SCML4: variants seen among roughly 807,000 people sequenced by gnomAD.
SCML4 encodes sex comb on midleg-like protein 4.
In SCML4, 34 loss-of-function variants were observed where a neutral mutation model predicts 41.1. The observed-to-expected ratio is 0.83, with a 90% CI of 0.63 to 1.10. SCML4 has a LOEUF of 1.10. SCML4 is among the 50% of genes least tolerant of loss of function. The probability of loss-of-function intolerance (pLI) is 0.00; values close to 1 mark genes in which losing one functional copy is unlikely to be tolerated. For synonymous variants in SCML4, 214 were observed against 220.9 expected (o/e 0.97, Z 0.28); for missense variants, 522 against 534.1 (o/e 0.98, Z 0.22).
At chr6:107,836,799 C>T in the SCML4 span, among the ~76,000 whole-genome samples, 1 of 152,156 alleles carries the variant, frequency 6.6e-6, no homozygotes, top group East Asian at 1.9e-4. Flanking sequence ...CCAGGGCTCA[C>T]TTAGAATCTG....
chr6:107,815,363 G>A (rs1041686909), intron 1 of SCML4, among the ~76,000 whole-genome samples: 6 of 152,260 alleles, frequency 3.9e-5, no homozygotes, highest in Admixed American at 6.5e-5. Context: ...AGAAATACCC[G>A]GCTTTTCTGA....
chr6:107,770,956 T>G (rs914474618), intron 2 of SCML4, among the ~76,000 whole-genome samples: 23 of 152,124 alleles, frequency 1.5e-4, no homozygotes, highest in Non-Finnish European at 3.1e-4. Flanking sequence ...CAGTAGTGAG[T>G]GGGTAAGACT....
the SCML4 span, among the ~76,000 whole-genome samples, chr6:107,837,230 T>TGGAACAATTA: frequency 6.6e-6 from 1 of 152,214 alleles, no homozygotes; most frequent in Admixed American, 6.5e-5. Context: ...GGCAATGGTA[T>TGGAACAATTA]GGAACCATTA....
chr6:107,735,442 C>A (rs72933109), intron 5 of SCML4, among the ~76,000 whole-genome samples: 6,864 of 151,854 alleles, frequency 0.045, 298 homozygotes, highest in East Asian at 0.13. Context: ...TTTTTGAGGG[C>A]GGGGGGATTC....
In SCML4 at chr6:107,749,783, C is replaced by T. The variant is rs1006698072; in HGVS notation, c.187G>A (p.Ala63Thr). The T allele has an allele frequency of 5.6e-6, 9 of 1,613,950 alleles. No individual in the cohort carries two copies. In the African/African-American group the frequency reaches 9.3e-5, roughly 17 times the overall value. The change falls in exon 3 of 8, where the codon GCC (alanine) becomes ACC (threonine). Residue 63 changes from alanine (A) to threonine (T), a missense_variant. Transcript: ENST00000369020. ...IKSRVLMTPL[A>T]LSPPRSTPEP... ...GGGGTACTCCGCGGAGGTGAGAGGG[C>T]TAAGGGAGTCATGAGAACCCGAGAC...
chr6:107,717,612 A>G (rs770013273), intron 6 of SCML4, among the ~76,000 whole-genome samples: 1 of 152,146 alleles, frequency 6.6e-6, no homozygotes, highest in Non-Finnish European at 1.5e-5. Flanking sequence ...CAGTGGCGCA[A>G]TCTCTGCTCA....
Position 107,746,695 on chromosome 6 carries a change from C to G in SCML4, c.481G>C (p.Val161Leu). 1 of 1,613,774 alleles carries G rather than the reference C, an allele frequency of 6.2e-7. No individual in the cohort carries two copies. The highest frequency in any genetic ancestry group is 8.5e-7 in the Non-Finnish European group (1 of 1,179,814). The change falls in exon 4 of 8, where the codon GTG (valine) becomes CTG (leucine). Residue 161 changes from valine (V) to leucine (L), a missense_variant. Val to Leu is a conservative substitution (Grantham distance 32). Transcript: ENST00000369020. The stretch of plus-strand genomic sequence containing the variant: ...AACCTGCCCCAGGCCTTACCTGACA[C>G]CATCTCACCACCATAGCCCTGCTTG... ...LVKQGYGGEM[V>L]SVSASFDGKQ...
chr6:107,720,835 C>T lies in SCML4; in HGVS notation c.841G>A (p.Gly281Ser), dbSNP rs1458675669. 6.2e-7 allele frequency: 1 copy of T among 1,614,114 alleles called. No individual in the cohort carries two copies. The highest frequency in any genetic ancestry group is 8.5e-7 in the Non-Finnish European group (1 of 1,179,972). ...RQNSGDSHLGGGPAATAGGPR... is the reference protein window; with the variant it reads ...RQNSGDSHLGSGPAATAGGPR... ...CCACCAGCGGTGGCAGCAGGACCAC[C>T]CCCAAGGTGGCTGTCTCCAGAGTTC... Residue 281 changes from glycine (G) to serine (S), a missense_variant, in exon 6 of 8, where the codon GGT (glycine) becomes AGT (serine). Gly to Ser is a moderately conservative substitution (Grantham distance 56). Coordinates refer to ENST00000369020, the MANE Select transcript of SCML4 (RefSeq NM_198081.5).
rs149304513 is a variant in SCML4 at position 107,790,650 on chromosome 6, G to A, written c.-59-18264C>T. Among the ~76,000 whole-genome samples the A allele has an allele frequency of 4.6e-5, 7 of 152,206 alleles. No individual in the cohort carries two copies. The East Asian group carries it at 7.7e-4, about 17-fold the overall frequency. On this transcript the variant is annotated intron_variant, in intron 1 of 7. Coordinates refer to ENST00000369020, the MANE Select transcript of SCML4 (RefSeq NM_198081.5). The stretch of plus-strand genomic sequence containing the variant: ...ACTAAATGCAAGGCATTTGTCCCAG[G>A]CCCTGAAGATACAAAGGGATGTCAA...
At chr6:107,721,953 G>T (rs1048913588) in intron 5 of SCML4, among the ~76,000 whole-genome samples, 1 of 150,632 alleles carries the variant, frequency 6.6e-6, no homozygotes, top group Admixed American at 6.6e-5. Context: ...CATCATCAGC[G>T]CCTCTTAAGT....
intron 5 of SCML4, among the ~76,000 whole-genome samples, chr6:107,735,265 T>C (rs1776942481): frequency 6.6e-6 from 1 of 152,180 alleles, no homozygotes; most frequent in Non-Finnish European, 1.5e-5. Context: ...ATGACCTCCT[T>C]TCCAATGCTC....
the SCML4 span, among the ~76,000 whole-genome samples, chr6:107,842,787 T>C: frequency 6.6e-6 from 1 of 152,234 alleles, no homozygotes; most frequent in African/African-American, 2.4e-5. Context: ...GTCTTTCTCT[T>C]TTCTGTTCTA....
chr6:107,827,206 A>T (rs1315715770), upstream of SCML4, among the ~76,000 whole-genome samples: 5 of 147,392 alleles, frequency 3.4e-5, no homozygotes, highest in Non-Finnish European at 7.5e-5. Context: ...ATATGTAAAT[A>T]TATTTATTTA....
intron 1 of SCML4, among the ~76,000 whole-genome samples, chr6:107,791,457 G>T (rs934820409): frequency 6.6e-6 from 1 of 152,274 alleles, no homozygotes; most frequent in East Asian, 1.9e-4. Flanking sequence ...ACTGGAAAAT[G>T]TCTGAGAAAC....
intron 1 of SCML4, among the ~76,000 whole-genome samples, chr6:107,779,672 C>T (rs958510270): frequency 1.3e-5 from 2 of 152,146 alleles, no homozygotes; most frequent in African/African-American, 4.8e-5. Context: ...TGTTCTGGGA[C>T]GCCATGTTGC....
the SCML4 span, among the ~76,000 whole-genome samples, chr6:107,830,673 A>G: frequency 1.3e-5 from 2 of 152,228 alleles, no homozygotes; most frequent in Non-Finnish European, 2.9e-5. Flanking sequence ...CTATGTTAGT[A>G]CAGGCTTTTA....
At chr6:107,707,585 T>C (rs917407297) in intron 7 of SCML4, among the ~76,000 whole-genome samples, 2 of 152,210 alleles carry the variant, frequency 1.3e-5, no homozygotes, top group Non-Finnish European at 2.9e-5. Context: ...CACAGACGGC[T>C]GGATGGGCAG....
At chr6:107,813,108 G>C (rs1209592014) in intron 1 of SCML4, among the ~76,000 whole-genome samples, 1 of 151,506 alleles carries the variant, frequency 6.6e-6, no homozygotes, top group African/African-American at 2.4e-5. Context: ...CATGCTTATA[G>C]TCCCAGCACT....
At chr6:107,716,855 C>T (rs976181674) in intron 6 of SCML4, among the ~76,000 whole-genome samples, 1 of 152,136 alleles carries the variant, frequency 6.6e-6, no homozygotes, top group Non-Finnish European at 1.5e-5. Context: ...TAAGCAGAAA[C>T]GGAAACCTCT....
Sources: gnomAD v4.1 joint callset for allele counts (sites outside exome capture counted in the v4.1 genomes callset) on GRCh38, gnomAD v4.1.1 for gene constraint, MANE v1.5 for transcripts, NCBI Gene and HGNC (gene_info 2026-07-23, HGNC 2026-07-21) for gene names.